Variants in ADGB observed in about 807,000 individuals in gnomAD.
ADGB encodes the protein androglobin.
In ADGB, 172 loss-of-function variants were observed where a neutral mutation model predicts 210.5. The ratio of observed to expected loss-of-function variants is 0.82; its 90% CI spans 0.72 to 0.93. The LOEUF is 0.93. ADGB is among the 40% of genes least tolerant of loss of function. The pLI, the probability that ADGB is intolerant of heterozygous loss-of-function variation, is 0.00. For missense variants in ADGB, 2,025 were observed against 1,964.8 expected (o/e 1.03, Z -0.58); for synonymous variants, 658 against 662.7 (o/e 0.99, Z 0.11).
intron 6 of ADGB, among the ~76,000 whole-genome samples, chr6:146,664,701 C>G (rs997616301): frequency 7.2e-5 from 11 of 151,944 alleles, no homozygotes; most frequent in Non-Finnish European, 1.3e-4. Context: ...ATCCTGAAAT[C>G]TAGTTAAAGA....
chr6:146,800,516 A>T (rs1778112684), intron 33 of ADGB, among the ~76,000 whole-genome samples: 1 of 142,098 alleles, frequency 7.0e-6, no homozygotes, highest in Non-Finnish European at 1.5e-5. Context: ...TATATGTGTA[A>T]ATTATACTTC....
In ADGB at chr6:146,708,409, G is replaced by A. The variant is rs189871902; in HGVS notation, c.1708-6973G>A. Among the ~76,000 whole-genome samples, 42 of 152,126 alleles carry A rather than the reference G, an allele frequency of 2.8e-4. No homozygotes were observed. In the East Asian group the frequency reaches 6.8e-3, roughly 24 times the overall value. On this transcript the variant is annotated intron_variant, in intron 13 of 35. Transcript: ENST00000397944. ...TATTTCTCATAAAACAGATCTTGTG[G>A]TGATGAATTCCCTCAGCTTTTTTTG...
At chr6:146,762,225 C>T (rs779340959) in intron 27 of ADGB, among the ~76,000 whole-genome samples, 36 of 151,992 alleles carry the variant, frequency 2.4e-4, no homozygotes, top group Non-Finnish European at 3.1e-4. Context: ...GAAGTTTTTT[C>T]ACTCTGTGGT....
At chr6:146,807,697 T>G in intron 35 of ADGB, 1 of 912,492 alleles carries the variant, frequency 1.1e-6, no homozygotes, top group African/African-American at 1.7e-5. Context: ...GAAATTGTTC[T>G]TTCTTAGAAA....
chr6:146,699,842 A>G (rs923935618), intron 12 of ADGB, among the ~76,000 whole-genome samples: 7 of 152,180 alleles, frequency 4.6e-5, no homozygotes, highest in Admixed American at 1.3e-4. Flanking sequence ...CTCTATGCCA[A>G]TAGGGACCCC....
At chr6:146,740,122 G>C (rs1367606677) in intron 23 of ADGB, among the ~76,000 whole-genome samples, 1 of 152,136 alleles carries the variant, frequency 6.6e-6, no homozygotes, top group African/African-American at 2.4e-5. Context: ...TTGCTGGTTT[G>C]CTTGCTTCTA....
intron 20 of ADGB, among the ~76,000 whole-genome samples, chr6:146,731,645 GA>G (rs1286831369): frequency 6.6e-6 from 1 of 152,166 alleles, no homozygotes; most frequent in Non-Finnish European, 1.5e-5. Context: ...CAATGTAGCA[GA>G]AACCCTAATA....
chr6:146,624,219 A>C (rs2114846842), intron 1 of ADGB, among the ~76,000 whole-genome samples: 1 of 151,938 alleles, frequency 6.6e-6, no homozygotes, highest in South Asian at 2.1e-4. Flanking sequence ...TCTTTGTGGA[A>C]AGATTTTTAA....
At chr6:146,809,619 T>A (rs1256907367) in intron 35 of ADGB, among the ~76,000 whole-genome samples, 1 of 152,204 alleles carries the variant, frequency 6.6e-6, no homozygotes, top group Non-Finnish European at 1.5e-5. Flanking sequence ...GTGCTGGAAT[T>A]ACAGGCATAA....
At chr6:146,781,255 A>G (rs1216641697) in intron 29 of ADGB, among the ~76,000 whole-genome samples, 2 of 151,402 alleles carry the variant, frequency 1.3e-5, no homozygotes, top group African/African-American at 4.8e-5. Flanking sequence ...AGGCAGGACA[A>G]TGGCGTGAAC....
chr6:146,718,346 CAAAA>C (rs34547633), intron 16 of ADGB, among the ~76,000 whole-genome samples: 4 of 80,162 alleles, frequency 5.0e-5, no homozygotes, highest in Admixed American at 1.4e-4. Flanking sequence ...GATTCCATCT[CAAAA>C]AAAAAAAAAA....
chr6:146,799,705 G>C (rs962435635), intron 33 of ADGB, among the ~76,000 whole-genome samples: 1 of 151,982 alleles, frequency 6.6e-6, no homozygotes, highest in Non-Finnish European at 1.5e-5. Flanking sequence ...TTAATAATGG[G>C]GGAGGCTACA....
intron 18 of ADGB, 81 bp downstream of exon 18, chr6:146,724,408 A>AT: frequency 7.3e-7 from 1 of 1,363,884 alleles, no homozygotes; most frequent in South Asian, 1.6e-5. Flanking sequence ...AGTAAACAAT[A>AT]TGGACTCTAA....
chr6:146,668,314 G>C (rs1775963931), intron 7 of ADGB, among the ~76,000 whole-genome samples: 1 of 151,972 alleles, frequency 6.6e-6, no homozygotes, highest in Admixed American at 6.6e-5. Flanking sequence ...AATTCCCCAG[G>C]GGCAATAGAG....
intron 26 of ADGB, among the ~76,000 whole-genome samples, chr6:146,747,071 T>C (rs1014819651): frequency 6.6e-6 from 1 of 152,198 alleles, no homozygotes. Context: ...TTTTATCTAG[T>C]TAATTTCACA....
At chr6:146,657,763 A>T (rs1434636040) in intron 5 of ADGB, among the ~76,000 whole-genome samples, 4 of 152,204 alleles carry the variant, frequency 2.6e-5, no homozygotes. Context: ...GCCTGATCCC[A>T]TCAGTTCTTG....
intron 12 of ADGB, among the ~76,000 whole-genome samples, chr6:146,700,527 G>T (rs563570566): frequency 6.6e-6 from 1 of 152,080 alleles, no homozygotes; most frequent in Non-Finnish European, 1.5e-5. Context: ...CTGTATGCTC[G>T]GGTAGCTGGT....
intron 13 of ADGB, among the ~76,000 whole-genome samples, chr6:146,709,388 G>C (rs1295696874): frequency 6.6e-6 from 1 of 152,214 alleles, no homozygotes; most frequent in Non-Finnish European, 1.5e-5. Flanking sequence ...TCACCAGTCA[G>C]ATCATCTAGA....
intron 1 of ADGB, among the ~76,000 whole-genome samples, chr6:146,635,130 A>T (rs534571208): frequency 6.6e-6 from 1 of 152,090 alleles, no homozygotes; most frequent in South Asian, 2.1e-4. Context: ...ATCTTTTTTT[A>T]AAATTCTTGC....
Sources: gnomAD v4.1 joint callset for allele counts (sites outside exome capture counted in the v4.1 genomes callset) on GRCh38, gnomAD v4.1.1 for gene constraint, MANE v1.5 for transcripts, NCBI Gene and HGNC (gene_info 2026-07-23, HGNC 2026-07-21) for gene names.